The following SH3GL1 variants were observed in gnomAD, a reference collection of about 807,000 sequenced individuals.
SH3GL1 encodes the protein endophilin-A2.
Under a neutral mutation model 48.8 loss-of-function variants are expected in SH3GL1, and 21 were observed. That is an observed-to-expected ratio of 0.43 (90% CI 0.30 to 0.62). The LOEUF is 0.62. Among genes scored for constraint, SH3GL1 ranks in the 20% least tolerant of loss-of-function variants. The pLI, the probability that SH3GL1 is intolerant of heterozygous loss-of-function variation, is 0.11. For synonymous variants in SH3GL1, 282 were observed against 217.5 expected, an observed-to-expected ratio of 1.30 and a Z score of -2.61; for missense variants, 454 against 503.0, an observed-to-expected ratio of 0.90 and a Z score of 0.93.
At chr19:4,386,355 A>G (rs11085074) in intron 1 of SH3GL1, among the ~76,000 whole-genome samples, 32,489 of 152,126 alleles carry the variant, frequency 0.21, 3,824 homozygotes, top group Admixed American at 0.28. Flanking sequence ...TGCTGGGGCA[A>G]AGTCCCGAAA....
intron 1 of SH3GL1, among the ~76,000 whole-genome samples, chr19:4,373,655 C>T (rs577134036): frequency 1.3e-5 from 2 of 152,308 alleles, no homozygotes; most frequent in East Asian, 1.9e-4. Flanking sequence ...AAGCCCCAGG[C>T]GTCCTCTCAG....
At chr19:4,366,781 C>T in intron 2 of SH3GL1, 145 bp downstream of exon 2, 1 of 940,766 alleles carries the variant, frequency 1.1e-6, no homozygotes, top group South Asian at 1.3e-5. Context: ...CTGACGAGGC[C>T]CCCACACCAC....
intron 1 of SH3GL1, among the ~76,000 whole-genome samples, chr19:4,397,763 C>A (rs1452366246): frequency 6.6e-6 from 1 of 152,192 alleles, no homozygotes; most frequent in Non-Finnish European, 1.5e-5. Context: ...TGGATTAAAT[C>A]TTTCTCCAGG....
intron 1 of SH3GL1, among the ~76,000 whole-genome samples, chr19:4,386,738 T>C (rs1257275902): frequency 5.9e-5 from 9 of 152,036 alleles, no homozygotes; most frequent in Admixed American, 5.2e-4. Context: ...ATCAGCCCTC[T>C]TTCCTGAGCC....
chr19:4,377,388 G>A (rs985276108), intron 1 of SH3GL1, among the ~76,000 whole-genome samples: 4 of 152,230 alleles, frequency 2.6e-5, no homozygotes, highest in Admixed American at 6.5e-5. Flanking sequence ...CGGGCACTGA[G>A]GAATGTGCCT....
In SH3GL1 at chr19:4,362,673, G is replaced by A. The variant is rs777191489; in HGVS notation, c.792C>T (p.Asp264=). 8 of 1,613,906 alleles carry A rather than the reference G, an allele frequency of 5.0e-6. No individual in the cohort carries two copies. In the Middle Eastern group the frequency reaches 4.9e-4, roughly 100 times the overall value. Reference sequence around the variant, plus strand: ...CGTTGGACTGCTCAGGCTCTCCAAGGTCAAAGGGCTCCCGGGGCTTGGGCT... The same window carrying A: ...CGTTGGACTGCTCAGGCTCTCCAAGATCAAAGGGCTCCCGGGGCTTGGGCT... ...EYKPKPREPF[D]LGEPEQSNGG... Residue 264 remains aspartate, a synonymous_variant, in exon 8 of 10, where the codon GAC becomes GAT. Transcript: ENST00000269886.
intron 1 of SH3GL1, among the ~76,000 whole-genome samples, chr19:4,384,303 C>A (rs1269575159): frequency 8.5e-5 from 13 of 152,230 alleles, no homozygotes; most frequent in Non-Finnish European, 1.3e-4. Flanking sequence ...GCCTCCTCCC[C>A]GCCCACTTGG....
Position 4,364,191 on chromosome 19 carries a change from ATGGAC to A in SH3GL1, c.357_361del (p.Glu119AspfsTer21). ...GTCCTTCACCTCTGCCAGGCGCTTC[ATGGAC>A]TCGCCGGCATCCAGCAATGCGTCAC... On this transcript the variant is annotated frameshift_variant, in exon 5 of 10. Coordinates refer to ENST00000269886, the MANE Select transcript of SH3GL1 (RefSeq NM_003025.4). LOFTEE classifies it high-confidence loss of function. The A allele has an allele frequency of 1.2e-6, 2 of 1,613,860 alleles. No individual in the cohort carries two copies. Among genetic ancestry groups the A allele is most frequent in the Non-Finnish European group, 1.7e-6 (2 of 1,180,032 alleles).
intron 1 of SH3GL1, among the ~76,000 whole-genome samples, chr19:4,382,835 G>A (rs935258453): frequency 4.6e-5 from 7 of 152,316 alleles, no homozygotes; most frequent in Non-Finnish European, 8.8e-5. Flanking sequence ...CCACTGTTCA[G>A]AGGGGAAACA....
chr19:4,375,632 C>G (rs1972992346), intron 1 of SH3GL1, among the ~76,000 whole-genome samples: 2 of 152,268 alleles, frequency 1.3e-5, no homozygotes, highest in South Asian at 4.1e-4. Flanking sequence ...AAACCACACC[C>G]AGAGCTCCAG....
chr19:4,363,987 C>G, intron 5 of SH3GL1, 101 bp downstream of exon 5: 1 of 1,604,286 alleles, frequency 6.2e-7, no homozygotes, highest in Non-Finnish European at 8.5e-7. Context: ...TGCCTGAGAC[C>G]CAGAGGGCAG....
intron 1 of SH3GL1, among the ~76,000 whole-genome samples, chr19:4,381,091 T>TCTCTGTCCCCTTTGC (rs1364219517): frequency 1.1e-5 from 1 of 88,864 alleles, no homozygotes; most frequent in East Asian, 3.5e-4. Context: ...CTGTCCCCTC[T>TCTCTGTCCCCTTTGC]CTCTGTCCCC....
chr19:4,382,466 C>G (rs980023317), intron 1 of SH3GL1, among the ~76,000 whole-genome samples: 1 of 151,888 alleles, frequency 6.6e-6, no homozygotes, highest in African/African-American at 2.4e-5. Flanking sequence ...ACCGTGTTAG[C>G]CAGGATGGTC....
At chr19:4,384,257 C>T (rs141894732) in intron 1 of SH3GL1, among the ~76,000 whole-genome samples, 9 of 152,224 alleles carry the variant, frequency 5.9e-5, no homozygotes, top group African/African-American at 1.9e-4. Context: ...CAGTTCATCC[C>T]GCTCCGGACC....
chr19:4,390,503 A>T (rs1378704656), intron 1 of SH3GL1: 6 of 152,470 alleles, frequency 3.9e-5, no homozygotes, highest in Admixed American at 6.6e-5. Flanking sequence ...GAGTGAGAAC[A>T]GAAAGAGAGG....
rs117174943 is a variant in SH3GL1 at position 4,382,169 on chromosome 19, G to A, written c.46-15175C>T. 6.1e-3 allele frequency among the ~76,000 whole-genome samples: 932 copies of A among 151,778 alleles called. 7 individuals carry two copies. The highest frequency in any genetic ancestry group is 0.012 in the South Asian group (58 of 4,802). ...CCCTCCATTGTCAGAGCTAGCAGGC[G>A]CTGGCCCCTCAACAGCTATCTCTTG... is the stretch of plus-strand genomic sequence containing the variant. On this transcript the variant is annotated intron_variant, in intron 1 of 9. Coordinates refer to ENST00000269886, the MANE Select transcript of SH3GL1 (RefSeq NM_003025.4).
Position 4,373,330 on chromosome 19 carries a change from C to T in SH3GL1, c.46-6336G>A, listed in dbSNP as rs532834134. On this transcript the variant is annotated intron_variant, in intron 1 of 9. Coordinates refer to ENST00000269886, the MANE Select transcript of SH3GL1 (RefSeq NM_003025.4). ...GAGGGAAGGGTCCCGACAGCCGGGGCTCCCCTCAGCATCTGGGAGTTCTGA... is the reference window on the plus strand; with the variant it reads ...GAGGGAAGGGTCCCGACAGCCGGGGTTCCCCTCAGCATCTGGGAGTTCTGA... Among the ~76,000 whole-genome samples the T allele has an allele frequency of 3.3e-5, 5 of 152,326 alleles. No individual in the cohort carries two copies. In the East Asian group the frequency reaches 5.8e-4, roughly 18 times the overall value.
intron 1 of SH3GL1, among the ~76,000 whole-genome samples, chr19:4,374,057 G>A (rs1972956873): frequency 1.3e-5 from 2 of 152,358 alleles, no homozygotes; most frequent in Non-Finnish European, 2.9e-5. Flanking sequence ...ATGCTTTGTT[G>A]TGTGCGCGGC....
chr19:4,362,818 T>C, intron 7 of SH3GL1, 82 bp from the exon 8 acceptor site: 2 of 1,600,620 alleles, frequency 1.2e-6, no homozygotes, highest in African/African-American at 2.7e-5. Context: ...TGCTGCCTAA[T>C]GACCTGGCCT....
Sources: gnomAD v4.1 joint callset for allele counts (sites outside exome capture counted in the v4.1 genomes callset) on GRCh38, gnomAD v4.1.1 for gene constraint, MANE v1.5 for transcripts, NCBI Gene and HGNC (gene_info 2026-07-23, HGNC 2026-07-21) for gene names.